IMMP2L: variants seen among roughly 807,000 people sequenced by gnomAD.
IMMP2L encodes inner mitochondrial membrane peptidase subunit 2.
A neutral mutation model predicts 19.3 loss-of-function variants in IMMP2L; 18 were observed. The ratio of observed to expected loss-of-function variants is 0.93; its 90% CI spans 0.64 to 1.38. IMMP2L has a LOEUF of 1.38. Among genes scored for constraint, IMMP2L ranks in the 40% most tolerant of loss-of-function variants. IMMP2L has a pLI of 0.00. For synonymous variants in IMMP2L, 76 were observed against 73.0 expected (o/e 1.04, Z -0.21); for missense variants, 233 against 218.2 (o/e 1.07, Z -0.43).
intron 3 of IMMP2L, among the ~76,000 whole-genome samples, chr7:111,036,870 T>C (rs924534759): frequency 6.6e-6 from 1 of 152,206 alleles, no homozygotes; most frequent in Non-Finnish European, 1.5e-5. Flanking sequence ...TATACATTTA[T>C]TCATGATATC....
intron 3 of IMMP2L, among the ~76,000 whole-genome samples, chr7:110,994,035 G>C (rs1362550268): frequency 2.0e-5 from 3 of 150,502 alleles, no homozygotes; most frequent in Non-Finnish European, 4.4e-5. Context: ...GGCTCTATTT[G>C]TCCCTCTCTG....
chr7:111,147,851 T>G (rs1266291898), intron 3 of IMMP2L, among the ~76,000 whole-genome samples: 2 of 152,126 alleles, frequency 1.3e-5, no homozygotes, highest in African/African-American at 4.8e-5. Flanking sequence ...GCTTGCAATG[T>G]TCCAAGAAGA....
intron 5 of IMMP2L, among the ~76,000 whole-genome samples, chr7:110,692,431 A>G (rs1323650798): frequency 1.3e-5 from 2 of 151,970 alleles, no homozygotes; most frequent in Non-Finnish European, 2.9e-5. Flanking sequence ...CTAAAATCTC[A>G]GACTTCACAA....
chr7:110,921,574 A>C (rs259008), intron 4 of IMMP2L, among the ~76,000 whole-genome samples: 1 of 151,948 alleles, frequency 6.6e-6, no homozygotes. Flanking sequence ...TAAAGTGCAC[A>C]TAAGAATTCT....
chr7:111,522,922 G>GAT (rs1846474124), intron 1 of IMMP2L, among the ~76,000 whole-genome samples: 1 of 109,932 alleles, frequency 9.1e-6, no homozygotes, highest in African/African-American at 4.9e-5. Flanking sequence ...TAAGATGTGA[G>GAT]ATACATATAT....
chr7:111,443,892 T>C (rs1307947539), intron 3 of IMMP2L, among the ~76,000 whole-genome samples: 1 of 152,050 alleles, frequency 6.6e-6, no homozygotes, highest in East Asian at 1.9e-4. Context: ...GAAGGAAAAG[T>C]TTAGGTGGCA....
chr7:111,055,017 T>G (rs1793368478), intron 3 of IMMP2L, among the ~76,000 whole-genome samples: 1 of 150,928 alleles, frequency 6.6e-6, no homozygotes, highest in African/African-American at 2.4e-5. Context: ...ACCCATCCCT[T>G]TCTCTAGTCA....
intron 3 of IMMP2L, among the ~76,000 whole-genome samples, chr7:111,173,732 C>T (rs1243999344): frequency 6.6e-6 from 1 of 151,516 alleles, no homozygotes; most frequent in Non-Finnish European, 1.5e-5. Flanking sequence ...CTTATATTAT[C>T]AGAAAAACAC....
At chr7:111,010,521 A>G (rs1400311960) in intron 3 of IMMP2L, among the ~76,000 whole-genome samples, 1 of 152,116 alleles carries the variant, frequency 6.6e-6, no homozygotes, top group East Asian at 1.9e-4. Context: ...TTCCATTAAA[A>G]CTATGGAGAT....
At chr7:111,382,904 T>C (rs1285876370) in intron 3 of IMMP2L, among the ~76,000 whole-genome samples, 1 of 152,100 alleles carries the variant, frequency 6.6e-6, no homozygotes, top group Non-Finnish European at 1.5e-5. Flanking sequence ...TAGCTGCAAA[T>C]GTGGTTCCAT....
chr7:110,713,183 T>C (rs144628743), intron 5 of IMMP2L, among the ~76,000 whole-genome samples: 53 of 152,308 alleles, frequency 3.5e-4, no homozygotes, highest in Non-Finnish European at 6.9e-4. Flanking sequence ...CCCCATTGCT[T>C]ATTTTTGTTG....
intron 2 of IMMP2L, among the ~76,000 whole-genome samples, chr7:111,494,801 A>G (rs188545140): frequency 1.5e-4 from 23 of 152,250 alleles, no homozygotes; most frequent in Admixed American, 2.6e-4. Context: ...TAACAAAATA[A>G]AGGGAAACAA....
chr7:111,451,852 A>G (rs1259560359), intron 3 of IMMP2L, among the ~76,000 whole-genome samples: 2 of 152,126 alleles, frequency 1.3e-5, no homozygotes, highest in Non-Finnish European at 2.9e-5. Context: ...ATATATCACT[A>G]GAAGCATATG....
intron 3 of IMMP2L, among the ~76,000 whole-genome samples, chr7:111,351,457 G>C (rs1828151652): frequency 6.6e-6 from 1 of 152,094 alleles, no homozygotes; most frequent in South Asian, 2.1e-4. Flanking sequence ...CCAAAGTTCT[G>C]GGATTACAGG....
chr7:111,454,092 T>C (rs559616738), intron 3 of IMMP2L, among the ~76,000 whole-genome samples: 1 of 152,160 alleles, frequency 6.6e-6, no homozygotes, highest in Non-Finnish European at 1.5e-5. Flanking sequence ...TAACAGTGAA[T>C]TGAAACCATA....
chr7:111,222,889 T>C (rs1420915638), intron 3 of IMMP2L, among the ~76,000 whole-genome samples: 1 of 151,986 alleles, frequency 6.6e-6, no homozygotes, highest in Non-Finnish European at 1.5e-5. Flanking sequence ...TGTCCTGATA[T>C]CGGTACATAT....
intron 5 of IMMP2L, among the ~76,000 whole-genome samples, chr7:110,780,124 T>C (rs976869272): frequency 2.0e-5 from 3 of 151,660 alleles, no homozygotes; most frequent in African/African-American, 7.3e-5. Context: ...GGTAAGAATC[T>C]CTTGAGGAAG....
chr7:111,219,578 TTACA>T (rs1302424012), intron 3 of IMMP2L, among the ~76,000 whole-genome samples: 1 of 152,036 alleles, frequency 6.6e-6, no homozygotes, highest in Non-Finnish European at 1.5e-5. Context: ...CTATTTTTGC[TTACA>T]TATTTTATTA....
At chr7:111,444,072 T>C (rs913075050) in intron 3 of IMMP2L, among the ~76,000 whole-genome samples, 5 of 152,156 alleles carry the variant, frequency 3.3e-5, no homozygotes, top group African/African-American at 9.7e-5. Context: ...AAATGTTGTG[T>C]TTCTATTTTT....
Sources: gnomAD v4.1 joint callset for allele counts (sites outside exome capture counted in the v4.1 genomes callset) on GRCh38, gnomAD v4.1.1 for gene constraint, MANE v1.5 for transcripts, NCBI Gene and HGNC (gene_info 2026-07-23, HGNC 2026-07-21) for gene names.